ANK2: variants seen among roughly 807,000 people sequenced by gnomAD.
ANK2 encodes the protein ankyrin 2, also known as ankyrin-2.
ANK2 carries 83 observed loss-of-function variants against 360.5 expected under a neutral mutation model. That is an observed-to-expected ratio of 0.23 (90% CI 0.19 to 0.28). The LOEUF (loss-of-function observed/expected upper bound fraction) is 0.28. Among genes scored for constraint, ANK2 ranks in the 10% least tolerant of loss-of-function variants. The probability of loss-of-function intolerance (pLI) is 1.00; values close to 1 mark genes in which losing one functional copy is unlikely to be tolerated. For missense variants in ANK2, 4,201 were observed against 4,795.7 expected, an observed-to-expected ratio of 0.88 and a Z score of 3.66; for synonymous variants, 1,740 against 1,759.5, an observed-to-expected ratio of 0.99 and a Z score of 0.28.
At chr4:113,091,946 G>C (rs561202515) in intron 1 of ANK2, among the ~76,000 whole-genome samples, 1 of 152,164 alleles carries the variant, frequency 6.6e-6, no homozygotes, top group East Asian at 1.9e-4. Context: ...TGTTTTTTGG[G>C]CTTTGGGGAC....
At chr4:112,742,394 C>CTG in the ANK2 span, among the ~76,000 whole-genome samples, 1 of 117,668 alleles carries the variant, frequency 8.5e-6, no homozygotes, top group African/African-American at 3.7e-5. Context: ...TCACTGAATT[C>CTG]TATGTGTGTG....
At chr4:113,055,441 A>T (rs550699573) in intron 1 of ANK2, among the ~76,000 whole-genome samples, 3 of 152,156 alleles carry the variant, frequency 2.0e-5, no homozygotes, top group Non-Finnish European at 4.4e-5. Context: ...AATGAATGGA[A>T]CCATTGCCTT....
chr4:112,861,379 T>C (rs2067963425), intron 1 of ANK2, among the ~76,000 whole-genome samples: 1 of 152,248 alleles, frequency 6.6e-6, no homozygotes, highest in Non-Finnish European at 1.5e-5. Flanking sequence ...AAGCCATGTG[T>C]ATCGGACTAA....
At chr4:113,347,139 T>A (rs2094951762) in intron 35 of ANK2, among the ~76,000 whole-genome samples, 1 of 152,192 alleles carries the variant, frequency 6.6e-6, no homozygotes, top group Non-Finnish European at 1.5e-5. Flanking sequence ...CCACAGTTGT[T>A]AAATTTTATA....
intron 1 of ANK2, among the ~76,000 whole-genome samples, chr4:112,857,632 G>A (rs1579842721): frequency 6.6e-6 from 1 of 152,290 alleles, no homozygotes; most frequent in East Asian, 1.9e-4. Context: ...GAAATAACAT[G>A]TTACTATGCT....
intron 2 of ANK2, among the ~76,000 whole-genome samples, chr4:112,922,021 G>A (rs1210484475): frequency 6.6e-6 from 1 of 152,174 alleles, no homozygotes; most frequent in African/African-American, 2.4e-5. Context: ...AAATGAAGAA[G>A]TAGAACTGGA....
At chr4:113,281,492 T>C (rs1346781818) in intron 17 of ANK2, among the ~76,000 whole-genome samples, 1 of 151,826 alleles carries the variant, frequency 6.6e-6, no homozygotes, top group East Asian at 1.9e-4. Flanking sequence ...GTGACTGAGA[T>C]GGCACCACTG....
intron 1 of ANK2, among the ~76,000 whole-genome samples, chr4:112,903,798 CT>C (rs1373175238): frequency 6.6e-6 from 1 of 152,172 alleles, no homozygotes; most frequent in Non-Finnish European, 1.5e-5. Context: ...TGCATGTATC[CT>C]GGCTCTGGCA....
chr4:112,937,252 G>T (rs903617723), intron 2 of ANK2, among the ~76,000 whole-genome samples: 3 of 151,992 alleles, frequency 2.0e-5, no homozygotes, highest in African/African-American at 7.2e-5. Flanking sequence ...TGGATGGCAG[G>T]CTCTATATGG....
At chr4:113,079,572 C>G (rs896781822) in intron 1 of ANK2, among the ~76,000 whole-genome samples, 4 of 152,180 alleles carry the variant, frequency 2.6e-5, no homozygotes, top group Non-Finnish European at 4.4e-5. Flanking sequence ...GCTCGTCACA[C>G]TATGTGGCAC....
In ANK2 at chr4:113,360,722, A is replaced by G. The variant is rs1564079222; in HGVS notation, c.10682-101A>G. On this transcript the variant is annotated intron_variant, in intron 38 of 45. Coordinates refer to ENST00000357077, the MANE Select transcript of ANK2 (RefSeq NM_001148.6). ...ATGTAGTATCTAGTTTGTGCTTTCA[A>G]ATATTTGGAGAAGTGACTTCCTTTC... is the stretch of plus-strand genomic sequence containing the variant. 8.5e-6 allele frequency: 9 copies of G among 1,062,922 alleles called. No individual in the cohort carries two copies. In the African/African-American group the frequency reaches 1.3e-4, roughly 15 times the overall value. The allele number at this position is 1,062,922 out of a possible 1,614,324, so 65.8% of individuals were successfully genotyped here.
chr4:112,803,163 T>C, the ANK2 span, among the ~76,000 whole-genome samples: 1 of 151,934 alleles, frequency 6.6e-6, no homozygotes, highest in African/African-American at 2.4e-5. Flanking sequence ...ATAGTAGTAG[T>C]TATATAGTAG....
intron 41 of ANK2, among the ~76,000 whole-genome samples, chr4:113,366,435 C>T (rs1430662410): frequency 1.6e-5 from 2 of 122,916 alleles, no homozygotes; most frequent in Non-Finnish European, 3.1e-5. Context: ...GCTGTTTCTC[C>T]TTCCTGTGGC....
the ANK2 span, among the ~76,000 whole-genome samples, chr4:112,801,306 C>G: frequency 1.8e-3 from 273 of 152,290 alleles, 2 homozygotes; most frequent in African/African-American, 6.3e-3. Context: ...CACTGAACTG[C>G]CTTCCTGAAG....
At chr4:113,275,840 C>T (rs564718793) in intron 15 of ANK2, among the ~76,000 whole-genome samples, 5 of 150,050 alleles carry the variant, frequency 3.3e-5, no homozygotes, top group East Asian at 1.9e-4. Flanking sequence ...GATAATAAAA[C>T]GTAGTCTTTT....
At chr4:112,730,636 CAAAAAAAAAAAAA>C in the ANK2 span, among the ~76,000 whole-genome samples, 1 of 57,944 alleles carries the variant, frequency 1.7e-5, no homozygotes, top group African/African-American at 6.8e-5. Context: ...GACTCCATCT[CAAAAAAAAAAAAA>C]AAAAAAAAAG....
chr4:113,030,983 G>A (rs1263066668), intron 2 of ANK2, among the ~76,000 whole-genome samples: 1 of 151,996 alleles, frequency 6.6e-6, no homozygotes, highest in African/African-American at 2.4e-5. Context: ...GGCTATCAGA[G>A]TGATAGATAT....
At chr4:113,208,104 A>C (rs1380684345) in intron 4 of ANK2, among the ~76,000 whole-genome samples, 1 of 150,264 alleles carries the variant, frequency 6.7e-6, no homozygotes, top group Non-Finnish European at 1.5e-5. Flanking sequence ...TTTCGTTCTA[A>C]GACTTGTATC....
chr4:113,193,146 T>C (rs2098697804), intron 2 of ANK2, among the ~76,000 whole-genome samples: 1 of 152,134 alleles, frequency 6.6e-6, no homozygotes. Context: ...CCAGATCTCA[T>C]TGTAAATATT....
Sources: gnomAD v4.1 joint callset for allele counts (sites outside exome capture counted in the v4.1 genomes callset) on GRCh38, gnomAD v4.1.1 for gene constraint, MANE v1.5 for transcripts, NCBI Gene and HGNC (gene_info 2026-07-23, HGNC 2026-07-21) for gene names.